TUBD1: variants seen among roughly 807,000 people sequenced by gnomAD.
TUBD1 encodes tubulin delta chain.
A neutral mutation model predicts 51.2 loss-of-function variants in TUBD1; 38 were observed. The observed-to-expected ratio is 0.74, with a 90% CI of 0.57 to 0.97. The LOEUF is 0.97. TUBD1 is among the 50% of genes least tolerant of loss of function. The pLI is 0.00. For synonymous variants in TUBD1, 169 were observed against 178.2 expected, an observed-to-expected ratio of 0.95 and a Z score of 0.41; for missense variants, 489 against 538.4, an observed-to-expected ratio of 0.91 and a Z score of 0.91.
At chr17:59,872,656 G>A (rs1266500363) in intron 6 of TUBD1, among the ~76,000 whole-genome samples, 2 of 116,712 alleles carry the variant, frequency 1.7e-5, no homozygotes, top group South Asian at 5.3e-4. Context: ...GTATGTGTGT[G>A]AGTGTGCACA....
In TUBD1 at chr17:59,860,278, T is replaced by A; in HGVS notation, c.*44A>T. 1 of 1,317,298 alleles carries A rather than the reference T, an allele frequency of 7.6e-7. No homozygotes were observed. 81.6% of individuals were successfully genotyped at this position (1,317,298 alleles called of 1,614,324 possible). A position where few individuals can be genotyped will look rare whatever the true frequency, so the allele number is the denominator to read the frequency against. ...AGAGAAAATAGTATTGAAAATATTTTAGTCCAGAAATGCCTTAAGGTATAC... is the reference window on the plus strand; with the variant it reads ...AGAGAAAATAGTATTGAAAATATTTAAGTCCAGAAATGCCTTAAGGTATAC... On this transcript the variant is annotated 3_prime_UTR_variant, in exon 9 of 9. Transcript: ENST00000325752.
In TUBD1 at chr17:59,860,350, T is replaced by C. The variant is rs1461955852; in HGVS notation, c.1334A>G (p.Gln445Arg). ...DFLDSFTSLE[Q>R]VVASYCNL ...GAGATTACAGTAACTGGCAACAACC[T>C]GCTCTAATGACGTGAAACTGTCTAA... The change falls in exon 9 of 9, where the codon CAG becomes CGG. Residue 445 changes from glutamine (Q) to arginine (R), a missense_variant. Coordinates refer to ENST00000325752, the MANE Select transcript of TUBD1 (RefSeq NM_016261.4). The C allele has an allele frequency of 6.2e-7, 1 of 1,612,978 alleles. No individual in the cohort carries two copies. The highest frequency in any genetic ancestry group is 1.1e-5 in the South Asian group (1 of 90,966).
At chr17:59,874,466 C>T in intron 6 of TUBD1, 73 bp downstream of exon 6, 1 of 1,475,306 alleles carries the variant, frequency 6.8e-7, no homozygotes, top group Non-Finnish European at 9.2e-7. Context: ...TGGTCCAAGC[C>T]AGTTTATATT....
chr17:59,872,807 C>T (rs553022166), intron 6 of TUBD1, among the ~76,000 whole-genome samples: 2 of 151,024 alleles, frequency 1.3e-5, no homozygotes, highest in Non-Finnish European at 2.9e-5. Context: ...ACTGTTATCA[C>T]CCAGGCTGGA....
chr17:59,877,777 C>CAA (rs11288183), intron 5 of TUBD1, among the ~76,000 whole-genome samples: 2 of 128,944 alleles, frequency 1.6e-5, no homozygotes, highest in Non-Finnish European at 3.4e-5. Context: ...GACTCTGTCT[C>CAA]AAAAAAAAAA....
chr17:59,880,059 T>C (rs2040412628), intron 4 of TUBD1, among the ~76,000 whole-genome samples: 1 of 148,208 alleles, frequency 6.7e-6, no homozygotes, highest in Admixed American at 6.7e-5. Context: ...AGCCATTCTC[T>C]TAAAAAAATT....
Position 59,890,902 on chromosome 17 carries a change from C to T in TUBD1, c.101G>A (p.Cys34Tyr). Reference sequence around the variant, plus strand: ...ATATGCCTCATTCTCTCTCATAGAGCAGAGTCCCTGGGAACTGTGTGAGTC... The same window carrying T: ...ATATGCCTCATTCTCTCTCATAGAGTAGAGTCCCTGGGAACTGTGTGAGTC... ...LSDSHSSQGL[C>Y]SMRENEAYQA... Residue 34 changes from cysteine (C) to tyrosine (Y), a missense_variant, in exon 2 of 9, where the codon TGC becomes TAC. Physicochemically the swap from Cys to Tyr is radical, Grantham distance 194. Transcript: ENST00000325752. The T allele has an allele frequency of 1.9e-6, 3 of 1,613,888 alleles. No individual in the cohort carries two copies. The highest frequency in any genetic ancestry group is 2.5e-6 in the Non-Finnish European group (3 of 1,179,966).
chr17:59,869,026 A>G (rs1450030154), intron 6 of TUBD1, among the ~76,000 whole-genome samples: 1 of 151,700 alleles, frequency 6.6e-6, no homozygotes, highest in African/African-American at 2.4e-5. Flanking sequence ...CAAAAACAAA[A>G]CAAAACAAAA....
intron 4 of TUBD1, chr17:59,878,731 GTCC>G (rs1335476610): frequency 8.2e-5 from 15 of 183,160 alleles, no homozygotes; most frequent in Admixed American, 8.1e-4. Flanking sequence ...CCACCCCCTT[GTCC>G]TCCTAAAGTG....
chr17:59,870,456 C>G (rs1410676431), intron 6 of TUBD1, among the ~76,000 whole-genome samples: 1 of 146,820 alleles, frequency 6.8e-6, no homozygotes, highest in Non-Finnish European at 1.5e-5. Context: ...ATTTGAGAAG[C>G]AGTGAGAGCC....
At chr17:59,885,001 A>G in intron 3 of TUBD1, 1 of 280,242 alleles carries the variant, frequency 3.6e-6, no homozygotes, top group Admixed American at 4.7e-5. Flanking sequence ...CAGAAGGGAA[A>G]TGTGAAGGTG....
rs1383662214 is a variant in TUBD1 at position 59,863,925 on chromosome 17, T to C, written c.1076-78A>G. The C allele has an allele frequency of 9.2e-6, 11 of 1,202,138 alleles. No individual in the cohort carries two copies. In the East Asian group the frequency reaches 2.9e-4, roughly 32 times the overall value. The allele number at this position is 1,202,138 out of a possible 1,614,324, so 74.5% of individuals were successfully genotyped here. A position where few individuals can be genotyped will look rare whatever the true frequency, so the allele number is the denominator to read the frequency against. ...GAAAACAAACAAACAGATATTTTCT[T>C]GTCTATTTCATCAGAGATCTTTTAT... On this transcript the variant is annotated intron_variant, in intron 7 of 8. Transcript: ENST00000325752.
At chr17:59,885,954 A>G in intron 3 of TUBD1, 129 bp downstream of exon 3, 1 of 1,042,656 alleles carries the variant, frequency 9.6e-7, no homozygotes, top group Non-Finnish European at 1.4e-6. Context: ...GTAAAATAAA[A>G]TTCTAAATCT....
At chr17:59,889,745 G>A (rs1015647323) in intron 2 of TUBD1, among the ~76,000 whole-genome samples, 6 of 150,248 alleles carry the variant, frequency 4.0e-5, no homozygotes, top group African/African-American at 7.3e-5. Flanking sequence ...CAAGGCAGGC[G>A]GATCACTTGA....
At position 59,892,904 on chromosome 17, in the gene TUBD1, C is replaced by G; in HGVS notation, c.-247G>C. ...CAATTTACGAACTTCAGATATGGTACGCATGCTCACTGTCCACCGAACGCT... is the reference window on the plus strand; with the variant it reads ...CAATTTACGAACTTCAGATATGGTAGGCATGCTCACTGTCCACCGAACGCT... On this transcript the variant is annotated 5_prime_UTR_variant, in exon 1 of 9. Transcript: ENST00000325752. The G allele has an allele frequency of 2.2e-6, 1 of 449,288 alleles. No homozygotes were observed. Among genetic ancestry groups the G allele is most frequent in the Non-Finnish European group, 4.1e-6 (1 of 246,478 alleles). The allele number at this position is 449,288 out of a possible 1,614,324, so 27.8% of individuals were successfully genotyped here.
chr17:59,864,360 G>A (rs1248456901), intron 7 of TUBD1, among the ~76,000 whole-genome samples: 1 of 151,094 alleles, frequency 6.6e-6, no homozygotes, highest in Non-Finnish European at 1.5e-5. Context: ...TGGCCAGGCT[G>A]GTCTCGAACT....
intron 7 of TUBD1, 43 bp from the exon 8 acceptor site, chr17:59,863,890 T>A: frequency 7.4e-7 from 1 of 1,350,826 alleles, no homozygotes; most frequent in South Asian, 1.9e-5. Context: ...TAGCATAAAT[T>A]AGTAATTGTG....
chr17:59,874,403 G>C, intron 6 of TUBD1, 136 bp downstream of exon 6: 1 of 740,424 alleles, frequency 1.4e-6, no homozygotes, highest in African/African-American at 1.8e-5. Context: ...AAGATGTCCT[G>C]GTGAGTTTCT....
In TUBD1 at chr17:59,883,262, A is replaced by AT. The variant is rs1233023858; in HGVS notation, c.321-2153dup. ...AGGCACAGGCCACCACACCCATCTA[A>AT]TTTTTTTTTTTTTTAATATTTTTTG... On this transcript the variant is annotated intron_variant, in intron 3 of 8. Transcript: ENST00000325752. Among the ~76,000 whole-genome samples the AT allele has an allele frequency of 7.7e-4, 107 of 139,272 alleles. No homozygotes were observed. In the Middle Eastern group the frequency reaches 0.011, roughly 14 times the overall value. 91.4% of individuals were successfully genotyped at this position (139,272 alleles called of 152,430 possible).
Sources: allele counts gnomAD v4.1 joint callset (sites outside exome capture counted in the v4.1 genomes callset), GRCh38; gene constraint gnomAD v4.1.1; transcripts MANE v1.5; gene names NCBI Gene and HGNC (gene_info 2026-07-23, HGNC 2026-07-21).